NGEF: variants seen among roughly 807,000 people sequenced by gnomAD.
The protein encoded by NGEF is ephexin-1.
A neutral mutation model predicts 80.9 loss-of-function variants in NGEF; 31 were observed. The observed-to-expected ratio is 0.38, with a 90% confidence interval of 0.29 to 0.52. NGEF has a LOEUF of 0.52. NGEF is among the 20% of genes least tolerant of loss of function. The pLI, the probability that NGEF is intolerant of heterozygous loss-of-function variation, is 0.84. For missense variants in NGEF, 709 were observed against 926.2 expected, an observed-to-expected ratio of 0.77 and a Z score of 3.04; for synonymous variants, 371 against 370.2, an observed-to-expected ratio of 1.00 and a Z score of -0.03.
At position 232,878,703 on chromosome 2, in the gene NGEF, T is replaced by C. The variant is rs1466731055; in HGVS notation, c.*786A>G. The C allele has an allele frequency of 6.6e-6, 1 of 152,646 alleles. No individual in the cohort carries two copies. The highest frequency in any genetic ancestry group is 2.4e-5 in the African/African-American group (1 of 41,476). 9.5% of individuals were successfully genotyped at this position (152,646 alleles called of 1,614,324 possible). A position where few individuals can be genotyped will look rare whatever the true frequency, so the allele number is the denominator to read the frequency against. On this transcript the variant is annotated 3_prime_UTR_variant, in exon 15 of 15. Transcript: ENST00000264051. ...ATAAAGAGTAGACCTTCATCTTCTT[T>C]ATTTTATATATGATGCTTCTTTTAA...
intron 3 of NGEF, among the ~76,000 whole-genome samples, chr2:232,966,172 A>AC: frequency 6.6e-6 from 1 of 151,072 alleles, no homozygotes; most frequent in Admixed American, 6.6e-5. Context: ...TATTCTCCCC[A>AC]CCCCCCAGCT....
chr2:232,987,763 A>G (rs914111560), intron 1 of NGEF, among the ~76,000 whole-genome samples: 1 of 152,104 alleles, frequency 6.6e-6, no homozygotes, highest in African/African-American at 2.4e-5. Flanking sequence ...ATGGGGCTCA[A>G]AGGGATTGTG....
chr2:232,917,847 C>T (rs1410141668), intron 5 of NGEF, among the ~76,000 whole-genome samples: 2 of 152,006 alleles, frequency 1.3e-5, no homozygotes, highest in Non-Finnish European at 2.9e-5. Context: ...CATCTCGGCG[C>T]ACTGCAACCT....
intron 10 of NGEF, 177 bp downstream of exon 10, chr2:232,885,103 C>G: frequency 1.7e-6 from 1 of 605,886 alleles, no homozygotes; most frequent in Non-Finnish European, 2.9e-6. Context: ...TGGTGTCTGA[C>G]GCCTGGTGGC....
intron 5 of NGEF, among the ~76,000 whole-genome samples, chr2:232,907,613 C>CA (rs1243343179): frequency 6.6e-6 from 1 of 152,116 alleles, no homozygotes; most frequent in Non-Finnish European, 1.5e-5. Context: ...GATTGCACAT[C>CA]AGTTAGGTCA....
intron 3 of NGEF, among the ~76,000 whole-genome samples, chr2:232,963,689 C>T (rs1693998327): frequency 6.6e-6 from 1 of 152,068 alleles, no homozygotes; most frequent in African/African-American, 2.4e-5. Context: ...TGGCAGGAGT[C>T]TGTAATTCCA....
intron 3 of NGEF, among the ~76,000 whole-genome samples, chr2:232,937,925 G>A (rs778348): frequency 0.25 from 37,623 of 152,048 alleles, 5,125 homozygotes; most frequent in Non-Finnish European, 0.31. Flanking sequence ...AACTGGATTC[G>A]GTGTTTTAGT....
chr2:232,979,381 CACACACACACACACAG>C (rs1422867505), intron 1 of NGEF, among the ~76,000 whole-genome samples: 137 of 89,414 alleles, frequency 1.5e-3, no homozygotes, highest in Middle Eastern at 8.3e-3. Context: ...CACACACACA[CACACACACACACACAG>C]GAAGAGATTG....
At chr2:232,886,356 C>T (rs1691693287) in intron 9 of NGEF, among the ~76,000 whole-genome samples, 1 of 148,576 alleles carries the variant, frequency 6.7e-6, no homozygotes, top group Admixed American at 6.7e-5. Flanking sequence ...GATGAGGGGC[C>T]ATGTGTGTGC....
At chr2:232,939,791 A>G (rs1693402299) in intron 3 of NGEF, among the ~76,000 whole-genome samples, 1 of 152,144 alleles carries the variant, frequency 6.6e-6, no homozygotes, top group South Asian at 2.1e-4. Context: ...TGAGGTCAGG[A>G]GTTCAAGACC....
intron 3 of NGEF, among the ~76,000 whole-genome samples, chr2:232,940,444 C>T (rs1262396068): frequency 2.6e-5 from 4 of 152,154 alleles, no homozygotes; most frequent in Non-Finnish European, 5.9e-5. Context: ...CAACACATAT[C>T]GTAAATCTGC....
At chr2:232,986,156 G>GAAAA in intron 1 of NGEF, among the ~76,000 whole-genome samples, 1 of 152,122 alleles carries the variant, frequency 6.6e-6, no homozygotes, top group South Asian at 2.1e-4. Context: ...AAAACAATGA[G>GAAAA]ATACCATCTC....
At position 232,899,916 on chromosome 2, in the gene NGEF, TCA is replaced by T. The variant is rs1692241486; in HGVS notation, c.829-5002_829-5001del. On this transcript the variant is annotated intron_variant, in intron 5 of 14. Transcript: ENST00000264051. ...TTCACACACATGCTCTCACAGTCAC[TCA>T]TATACACGTTCACTCACATTCACTT... Among the ~76,000 whole-genome samples the T allele has an allele frequency of 5.5e-5, 7 of 128,022 alleles. 1 individual carries two copies. In the South Asian group the frequency reaches 1.8e-3, roughly 33 times the overall value. 84.0% of individuals were successfully genotyped at this position (128,022 alleles called of 152,430 possible). A position where few individuals can be genotyped will look rare whatever the true frequency, so the allele number is the denominator to read the frequency against.
At chr2:232,988,888 GA>G (rs34571563) in intron 1 of NGEF, among the ~76,000 whole-genome samples, 1 of 152,002 alleles carries the variant, frequency 6.6e-6, no homozygotes, top group Non-Finnish European at 1.5e-5. Context: ...GAAAAATCCA[GA>G]AAAAAAGCAA....
chr2:232,992,961 T>C (rs1016946046), intron 1 of NGEF, among the ~76,000 whole-genome samples: 8 of 148,768 alleles, frequency 5.4e-5, no homozygotes, highest in Non-Finnish European at 7.4e-5. Flanking sequence ...CACTCCAGCC[T>C]GGGTGATAGA....
chr2:232,884,222 T>A (rs1216961355), intron 10 of NGEF, 78 bp from the exon 11 acceptor site: 11 of 1,403,952 alleles, frequency 7.8e-6, no homozygotes, highest in Non-Finnish European at 1.0e-5. Flanking sequence ...GCTGCGTCTG[T>A]CACATTCCCT....
At chr2:232,993,368 A>G (rs937159374) in intron 1 of NGEF, among the ~76,000 whole-genome samples, 1 of 151,394 alleles carries the variant, frequency 6.6e-6, no homozygotes, top group African/African-American at 2.4e-5. Context: ...CCACAATGAG[A>G]TATCACTTTG....
At chr2:232,978,342 G>A (rs1002589036) in intron 1 of NGEF, among the ~76,000 whole-genome samples, 8 of 151,850 alleles carry the variant, frequency 5.3e-5, no homozygotes, top group African/African-American at 1.7e-4. Context: ...GTGAAAACCA[G>A]TCTCTACTAA....
intron 1 of NGEF, among the ~76,000 whole-genome samples, chr2:233,000,830 G>A (rs1368283791): frequency 6.6e-6 from 1 of 152,058 alleles, no homozygotes; most frequent in Non-Finnish European, 1.5e-5. Flanking sequence ...CATCACACGG[G>A]GGGTTAGGGC....
Sources: allele counts gnomAD v4.1 joint callset (sites outside exome capture counted in the v4.1 genomes callset), GRCh38; gene constraint gnomAD v4.1.1; transcripts MANE v1.5; gene names NCBI Gene and HGNC (gene_info 2026-07-23, HGNC 2026-07-21).